Variants in SYNPR observed in about 807,000 individuals in gnomAD.
SYNPR encodes synaptoporin.
In SYNPR, 23 loss-of-function variants were observed where a neutral mutation model predicts 32.9. The observed-to-expected ratio is 0.70, with a 90% CI of 0.50 to 0.99. SYNPR has a LOEUF of 0.99. Among genes scored for constraint, SYNPR ranks in the 50% least tolerant of loss-of-function variants. The pLI is 0.00. For synonymous variants in SYNPR, 146 were observed against 135.9 expected, an observed-to-expected ratio of 1.07 and a Z score of -0.52; for missense variants, 318 against 349.3, an observed-to-expected ratio of 0.91 and a Z score of 0.71.
chr3:63,307,121 T>C (rs2086916868), intron 2 of SYNPR, among the ~76,000 whole-genome samples: 1 of 151,996 alleles, frequency 6.6e-6, no homozygotes. Context: ...TATTACAGTG[T>C]CCAAATTAGT....
At chr3:63,500,538 A>T (rs200160532) in intron 3 of SYNPR, among the ~76,000 whole-genome samples, 1 of 151,902 alleles carries the variant, frequency 6.6e-6, no homozygotes, top group African/African-American at 2.4e-5. Flanking sequence ...AAGAAAAAGT[A>T]CTGAATATAT....
At chr3:63,496,366 T>C (rs1701373321) in intron 3 of SYNPR, among the ~76,000 whole-genome samples, 1 of 152,256 alleles carries the variant, frequency 6.6e-6, no homozygotes, top group South Asian at 2.1e-4. Context: ...CACCTGTTTT[T>C]TGGACCTCAT....
intron 2 of SYNPR, among the ~76,000 whole-genome samples, chr3:63,405,204 C>G (rs910864599): frequency 6.6e-6 from 1 of 152,134 alleles, no homozygotes; most frequent in African/African-American, 2.4e-5. Context: ...CTCAATTTCT[C>G]TCTGTAGCTG....
At chr3:63,432,691 G>T (rs1700015092) in intron 2 of SYNPR, among the ~76,000 whole-genome samples, 1 of 152,148 alleles carries the variant, frequency 6.6e-6, no homozygotes, top group East Asian at 1.9e-4. Context: ...ATGGTCCTGA[G>T]GCCTCACTGA....
chr3:63,460,572 CA>C (rs11390803), intron 2 of SYNPR, among the ~76,000 whole-genome samples: 800 of 45,680 alleles, frequency 0.018, 2 homozygotes, highest in African/African-American at 0.058. Flanking sequence ...ATTGGTAGAC[CA>C]AAAAAAAAAA....
chr3:63,316,578 A>C (rs565421397), intron 2 of SYNPR, among the ~76,000 whole-genome samples: 1 of 151,916 alleles, frequency 6.6e-6, no homozygotes, highest in South Asian at 2.1e-4. Context: ...GTTAACTGTA[A>C]TATTTCCTGT....
chr3:63,566,106 T>C (rs962940160), intron 4 of SYNPR, among the ~76,000 whole-genome samples: 9 of 152,208 alleles, frequency 5.9e-5, no homozygotes, highest in Middle Eastern at 3.2e-3. Context: ...TCTTGCGTTT[T>C]TCTAGAATAC....
At chr3:63,610,036 C>A (rs915238419) in intron 5 of SYNPR, among the ~76,000 whole-genome samples, 1 of 152,134 alleles carries the variant, frequency 6.6e-6, no homozygotes, top group Non-Finnish European at 1.5e-5. Flanking sequence ...GGAATACACC[C>A]AACTGATTAG....
chr3:63,317,086 A>G (rs558737544), intron 2 of SYNPR, among the ~76,000 whole-genome samples: 75 of 151,692 alleles, frequency 4.9e-4, no homozygotes, highest in African/African-American at 1.6e-3. Context: ...TTCCACTGTG[A>G]TCTGACAGCG....
At chr3:63,420,723 A>C (rs1699778665) in intron 2 of SYNPR, among the ~76,000 whole-genome samples, 1 of 152,206 alleles carries the variant, frequency 6.6e-6, no homozygotes, top group South Asian at 2.1e-4. Flanking sequence ...TATATGACGA[A>C]GGATATCAAA....
chr3:63,490,474 G>C (rs762079420), intron 3 of SYNPR, among the ~76,000 whole-genome samples: 5 of 152,120 alleles, frequency 3.3e-5, no homozygotes, highest in Non-Finnish European at 7.4e-5. Flanking sequence ...AAGAAGGTCA[G>C]TAAGGAGGTG....
chr3:63,372,350 G>T (rs1470345584), intron 2 of SYNPR, among the ~76,000 whole-genome samples: 1 of 151,554 alleles, frequency 6.6e-6, no homozygotes, highest in Non-Finnish European at 1.5e-5. Context: ...CAGTAGCAAT[G>T]GCTCTGTGTA....
chr3:63,481,443 A>ATG (rs201616193), intron 3 of SYNPR, among the ~76,000 whole-genome samples: 27,312 of 119,346 alleles, frequency 0.23, 2,763 homozygotes, highest in East Asian at 0.33. Flanking sequence ...GTGTATATAT[A>ATG]TATATATATG....
intron 3 of SYNPR, among the ~76,000 whole-genome samples, chr3:63,507,152 A>G (rs1236369172): frequency 6.6e-6 from 1 of 151,370 alleles, no homozygotes; most frequent in Non-Finnish European, 1.5e-5. Flanking sequence ...GTCTCAAAAA[A>G]TAAAAAAAAA....
Position 63,398,420 on chromosome 3 carries a change from C to T in SYNPR, c.85-82412C>T, listed in dbSNP as rs537233767. Among the ~76,000 whole-genome samples the T allele has an allele frequency of 2.6e-5, 4 of 152,182 alleles. No homozygotes were observed. In the East Asian group the frequency reaches 7.7e-4, roughly 29 times the overall value. ...CATAGAGACCTGTATTTGAATCTGCCACTTAACAGTGTACTTTTGGCCAGG... is the reference window on the plus strand; with the variant it reads ...CATAGAGACCTGTATTTGAATCTGCTACTTAACAGTGTACTTTTGGCCAGG... On this transcript the variant is annotated intron_variant, in intron 2 of 5. Transcript: ENST00000478300.
intron 2 of SYNPR, among the ~76,000 whole-genome samples, chr3:63,351,089 A>G (rs1402672239): frequency 6.6e-6 from 1 of 152,142 alleles, no homozygotes; most frequent in African/African-American, 2.4e-5. Flanking sequence ...TCCTAAAGTG[A>G]ACAGTTGTCC....
At chr3:63,226,423 T>G (rs1284342181), upstream of SYNPR, among the ~76,000 whole-genome samples, 1 of 152,140 alleles carries the variant, frequency 6.6e-6, no homozygotes, top group Admixed American at 6.5e-5. Flanking sequence ...GCAGCACTAT[T>G]CACAATAGCA....
intron 4 of SYNPR, among the ~76,000 whole-genome samples, chr3:63,604,125 G>A (rs924628401): frequency 3.9e-5 from 6 of 152,090 alleles, no homozygotes; most frequent in African/African-American, 4.8e-5. Context: ...TAGTTTGTGC[G>A]TATAGAGGTT....
intron 2 of SYNPR, among the ~76,000 whole-genome samples, chr3:63,455,952 G>C (rs1700474150): frequency 6.6e-6 from 1 of 152,026 alleles, no homozygotes; most frequent in African/African-American, 2.4e-5. Context: ...ATTTGCAAAA[G>C]AAAGAGGTTT....
Sources: allele counts gnomAD v4.1 joint callset (sites outside exome capture counted in the v4.1 genomes callset), GRCh38; gene constraint gnomAD v4.1.1; transcripts MANE v1.5; gene names NCBI Gene and HGNC (gene_info 2026-07-23, HGNC 2026-07-21).